FAM107B: variants seen among roughly 807,000 people sequenced by gnomAD.
The protein encoded by FAM107B is protein FAM107B.
A neutral mutation model predicts 31.5 loss-of-function variants in FAM107B; 21 were observed. The ratio of observed to expected loss-of-function variants is 0.67; its 90% CI spans 0.47 to 0.96. The LOEUF is 0.96. FAM107B is among the 40% of genes least tolerant of loss of function. The pLI, the probability that FAM107B is intolerant of heterozygous loss-of-function variation, is 0.00. For missense variants in FAM107B, 452 were observed against 377.1 expected, an observed-to-expected ratio of 1.20 and a Z score of -1.64; for synonymous variants, 157 against 141.5, an observed-to-expected ratio of 1.11 and a Z score of -0.78.
chr10:14,533,067 C>T (rs1215339913), intron 2 of FAM107B, among the ~76,000 whole-genome samples: 1 of 152,124 alleles, frequency 6.6e-6, no homozygotes, highest in African/African-American at 2.4e-5. Context: ...GCATTCTGGT[C>T]TTCACCCTGA....
intron 2 of FAM107B, among the ~76,000 whole-genome samples, chr10:14,595,367 T>C (rs1852153021): frequency 6.6e-6 from 1 of 150,412 alleles, no homozygotes; most frequent in South Asian, 2.1e-4. Context: ...ACGCAAGACT[T>C]GGGCATAGAT....
At chr10:14,623,473 C>A (rs1315499325) in intron 2 of FAM107B, among the ~76,000 whole-genome samples, 2 of 152,228 alleles carry the variant, frequency 1.3e-5, no homozygotes, top group Non-Finnish European at 2.9e-5. Context: ...CTGAGATGGG[C>A]ACAAAGGAAG....
chr10:14,619,708 T>TA (rs3995551), intron 2 of FAM107B, among the ~76,000 whole-genome samples: 8,322 of 104,424 alleles, frequency 0.08, 516 homozygotes, highest in African/African-American at 0.16. Context: ...GTGTCCTAGC[T>TA]AAAAAAAAAA....
intron 1 of FAM107B, among the ~76,000 whole-genome samples, chr10:14,734,683 G>A (rs1315206631): frequency 1.3e-5 from 2 of 152,108 alleles, no homozygotes; most frequent in African/African-American, 4.8e-5. Flanking sequence ...TGCTCAAGCG[G>A]AGTGACAATT....
intron 1 of FAM107B, among the ~76,000 whole-genome samples, chr10:14,739,469 C>T (rs192694350): frequency 2.3e-3 from 344 of 152,340 alleles, no homozygotes; most frequent in African/African-American, 7.6e-3. Flanking sequence ...ATCCATCCAG[C>T]TTTCTTCTGA....
chr10:14,626,399 A>G (rs34012599), intron 2 of FAM107B, among the ~76,000 whole-genome samples: 54,923 of 151,332 alleles, frequency 0.36, 11,228 homozygotes, highest in Non-Finnish European at 0.45. Context: ...AAAAGAGCAT[A>G]CTCTCTCACA....
chr10:14,627,780 AG>A (rs1361284623), intron 2 of FAM107B, among the ~76,000 whole-genome samples: 6 of 152,106 alleles, frequency 3.9e-5, no homozygotes, highest in Non-Finnish European at 7.3e-5. Context: ...CTCTATAAAA[AG>A]AAAAAAAAAT....
intron 3 of FAM107B, among the ~76,000 whole-genome samples, chr10:14,523,066 A>C (rs1276145092): frequency 6.6e-6 from 1 of 152,146 alleles, no homozygotes; most frequent in Non-Finnish European, 1.5e-5. Flanking sequence ...GCCACCCTCC[A>C]TCTGAAATAT....
intron 2 of FAM107B, among the ~76,000 whole-genome samples, chr10:14,558,817 T>C (rs1456188074): frequency 6.6e-6 from 1 of 152,130 alleles, no homozygotes; most frequent in Non-Finnish European, 1.5e-5. Context: ...AAAATGTGCC[T>C]GATGAACTTG....
At chr10:14,706,885 G>T (rs1041545495) in intron 1 of FAM107B, among the ~76,000 whole-genome samples, 1 of 152,138 alleles carries the variant, frequency 6.6e-6, no homozygotes, top group African/African-American at 2.4e-5. Flanking sequence ...CCAGCACTTT[G>T]GGAGGCTGAG....
At chr10:14,616,308 C>CAAAACT (rs1852848706) in intron 2 of FAM107B, among the ~76,000 whole-genome samples, 1 of 152,068 alleles carries the variant, frequency 6.6e-6, no homozygotes, top group Non-Finnish European at 1.5e-5. Context: ...ACTGGAAACT[C>CAAAACT]GAGCTTCAAA....
intron 1 of FAM107B, among the ~76,000 whole-genome samples, chr10:14,672,214 G>A (rs11259255): frequency 0.19 from 28,816 of 151,444 alleles, 2,741 homozygotes; most frequent in Middle Eastern, 0.26. Context: ...TCAGCCTCCC[G>A]AGCAGCTGGG....
intron 1 of FAM107B, among the ~76,000 whole-genome samples, chr10:14,668,869 C>T (rs887781364): frequency 1.3e-5 from 2 of 152,116 alleles, no homozygotes; most frequent in African/African-American, 4.8e-5. Flanking sequence ...AGAAGATATG[C>T]TAGACCATAA....
At chr10:14,732,337 A>G (rs909809872) in intron 1 of FAM107B, among the ~76,000 whole-genome samples, 1 of 152,136 alleles carries the variant, frequency 6.6e-6, no homozygotes, top group Non-Finnish European at 1.5e-5. Flanking sequence ...CAATTAATCA[A>G]CTTGTCAGGG....
intron 2 of FAM107B, among the ~76,000 whole-genome samples, chr10:14,614,676 C>CAA (rs576366601): frequency 7.7e-4 from 43 of 56,198 alleles, no homozygotes; most frequent in South Asian, 3.1e-3. Context: ...GACTCTGTCT[C>CAA]AAAAAAAAAA....
At chr10:14,648,786 A>G (rs1853829443) in intron 2 of FAM107B, among the ~76,000 whole-genome samples, 1 of 152,176 alleles carries the variant, frequency 6.6e-6, no homozygotes, top group Admixed American at 6.5e-5. Context: ...TTTCCACACC[A>G]TTCTCCAAGT....
At chr10:14,571,828 T>C (rs925620683) in intron 2 of FAM107B, 4 of 985,338 alleles carry the variant, frequency 4.1e-6, no homozygotes, top group Non-Finnish European at 4.8e-6. Context: ...AAATCATCCT[T>C]TAGCAAGAGA....
At chr10:14,700,927 C>A (rs1393777902) in intron 1 of FAM107B, among the ~76,000 whole-genome samples, 1 of 151,548 alleles carries the variant, frequency 6.6e-6, no homozygotes, top group Non-Finnish European at 1.5e-5. Context: ...ACACCTCACC[C>A]CACATGTGGC....
intron 1 of FAM107B, among the ~76,000 whole-genome samples, chr10:14,710,693 C>T (rs79025645): frequency 2.9e-3 from 442 of 152,076 alleles, no homozygotes; most frequent in African/African-American, 0.01. Flanking sequence ...CTTGTTTCTT[C>T]ACTCTTAACA....
Sources: gnomAD v4.1 joint callset for allele counts (sites outside exome capture counted in the v4.1 genomes callset) on GRCh38, gnomAD v4.1.1 for gene constraint, MANE v1.5 for transcripts, NCBI Gene and HGNC (gene_info 2026-07-23, HGNC 2026-07-21) for gene names.